The following LMOD3 variants were observed in gnomAD, a reference collection of about 807,000 sequenced individuals.
LMOD3 encodes leiomodin-3.
A neutral mutation model predicts 41.8 loss-of-function variants in LMOD3; 31 were observed. The observed-to-expected ratio is 0.74, with a 90% confidence interval of 0.56 to 1.00. The LOEUF is 1.00. Among genes scored for constraint, LMOD3 ranks in the 50% least tolerant of loss-of-function variants. The pLI is 0.00. For synonymous variants in LMOD3, 292 were observed against 241.9 expected, an observed-to-expected ratio of 1.21 and a Z score of -1.92; for missense variants, 755 against 679.5, an observed-to-expected ratio of 1.11 and a Z score of -1.23.
At chr3:69,117,901 C>T (rs983529059) in intron 2 of LMOD3, among the ~76,000 whole-genome samples, 2 of 150,788 alleles carry the variant, frequency 1.3e-5, no homozygotes, top group Non-Finnish European at 2.9e-5. Context: ...GTGCAATCTC[C>T]GCTCACTGCA....
chr3:69,117,675 T>G (rs2092381492), intron 2 of LMOD3, among the ~76,000 whole-genome samples: 1 of 152,154 alleles, frequency 6.6e-6, no homozygotes, highest in African/African-American at 2.4e-5. Context: ...CTCCGTGAAT[T>G]CATGGTGACA....
intron 2 of LMOD3, 109 bp from the exon 3 acceptor site, chr3:69,109,230 G>T: frequency 9.9e-7 from 1 of 1,008,472 alleles, no homozygotes; most frequent in South Asian, 1.4e-5. Context: ...GAATAGGTTT[G>T]AAATTCTGGC....
Position 69,118,721 on chromosome 3 carries a change from C to T in LMOD3, c.1634G>A (p.Ser545Asn). The change falls in exon 2 of 3, where the codon AGC becomes AAC. Residue 545 changes from serine (S) to asparagine (N), a missense_variant. By Grantham distance (46) the Ser-to-Asn change is conservative. Transcript: ENST00000420581. ...RDQLLNDIRH[S>N]SVAYLKPVQL... ...TACAGGTTTAAGATAGGCGACACTG[C>T]TGTGACGAATGTCGTTTAGCAGCTG... 1 of 1,612,896 alleles carries T rather than the reference C, an allele frequency of 6.2e-7. No homozygotes were observed. The highest frequency in any genetic ancestry group is 8.5e-7 in the Non-Finnish European group (1 of 1,179,634).
chr3:69,117,103 G>C (rs570768395), intron 2 of LMOD3, among the ~76,000 whole-genome samples: 2 of 152,340 alleles, frequency 1.3e-5, no homozygotes, highest in South Asian at 4.1e-4. Context: ...GTCCAGAGAA[G>C]AGCAGGTGCA....
chr3:69,108,758 C>A lies in LMOD3; in HGVS notation c.*337G>T. 4.4e-6 allele frequency: 1 copy of A among 225,002 alleles called. No individual in the cohort carries two copies. The highest frequency in any genetic ancestry group is 2.3e-5 in the African/African-American group (1 of 43,764). The allele number at this position is 225,002 out of a possible 1,614,324, so 13.9% of individuals were successfully genotyped here. ...CACTTCTGTTATATTTATTATTTAC[C>A]AGAAGAAAACAATAATAAAGCAAAT... On this transcript the variant is annotated 3_prime_UTR_variant, in exon 3 of 3. Coordinates refer to ENST00000420581, the MANE Select transcript of LMOD3 (RefSeq NM_198271.5).
intron 1 of LMOD3, 80 bp downstream of exon 1, chr3:69,122,013 A>C: frequency 4.2e-6 from 5 of 1,187,900 alleles, no homozygotes; most frequent in Admixed American, 2.5e-5. Context: ...TGGAGTCTTG[A>C]GAAATCACAG....
intron 1 of LMOD3, among the ~76,000 whole-genome samples, 182 bp from the exon 2 acceptor site, chr3:69,120,242 G>T (rs527354298): frequency 3.2e-4 from 49 of 151,458 alleles, no homozygotes; most frequent in Non-Finnish European, 5.7e-4. Context: ...ATTAAAATGA[G>T]TATTAAAAGG....
chr3:69,118,930 G>T lies in LMOD3; in HGVS notation c.1425C>A (p.Ala475=). 6.2e-7 allele frequency: 1 copy of T among 1,612,232 alleles called. No individual in the cohort carries two copies. Among genetic ancestry groups the T allele is most frequent in the Non-Finnish European group, 8.5e-7 (1 of 1,179,602 alleles). ...RSEMMKKPSQ[A]PKYRTDPDSF... Reference sequence around the variant, plus strand: ...AGTCAGGGTCTGTCCTGTACTTCGGGGCCTGCGATGGCTTTTTCATCATTT... The same window carrying T: ...AGTCAGGGTCTGTCCTGTACTTCGGTGCCTGCGATGGCTTTTTCATCATTT... The change falls in exon 2 of 3, where the codon GCC becomes GCA. Residue 475 remains alanine, a synonymous_variant. Transcript: ENST00000420581.
chr3:69,112,837 A>C (rs56280964), intron 2 of LMOD3, among the ~76,000 whole-genome samples: 5,934 of 152,320 alleles, frequency 0.039, 337 homozygotes, highest in East Asian at 0.27. Flanking sequence ...ATCTGTATTT[A>C]GCCCTTTAGG....
intron 2 of LMOD3, among the ~76,000 whole-genome samples, chr3:69,116,344 C>A (rs934102837): frequency 2.6e-5 from 4 of 152,184 alleles, no homozygotes; most frequent in African/African-American, 9.7e-5. Flanking sequence ...CAGGCCAAGC[C>A]AGGCAACTGA....
intron 2 of LMOD3, among the ~76,000 whole-genome samples, chr3:69,117,593 G>A (rs547437955): frequency 1.3e-5 from 2 of 152,018 alleles, no homozygotes; most frequent in Non-Finnish European, 2.9e-5. Flanking sequence ...TAAGTTGCAC[G>A]GAAAATAACT....
intron 2 of LMOD3, among the ~76,000 whole-genome samples, chr3:69,113,868 G>T (rs1013928038): frequency 6.6e-6 from 1 of 152,184 alleles, no homozygotes; most frequent in Non-Finnish European, 1.5e-5. Context: ...TCACACATTT[G>T]TCAGGGAGGG....
chr3:69,110,660 G>A (rs1411806318), intron 2 of LMOD3, among the ~76,000 whole-genome samples: 1 of 147,338 alleles, frequency 6.8e-6, no homozygotes, highest in African/African-American at 2.5e-5. Context: ...CTGGCCAACA[G>A]GGTGAAACCC....
At chr3:69,111,211 C>T (rs2092348554) in intron 2 of LMOD3, among the ~76,000 whole-genome samples, 2 of 152,162 alleles carry the variant, frequency 1.3e-5, no homozygotes, top group Non-Finnish European at 2.9e-5. Context: ...GTTCTCAGCC[C>T]ACGATCTTTG....
chr3:69,115,580 C>T (rs1030233061), intron 2 of LMOD3, among the ~76,000 whole-genome samples: 2 of 152,102 alleles, frequency 1.3e-5, no homozygotes, highest in Non-Finnish European at 2.9e-5. Context: ...ATCATACACA[C>T]ACAGAGAACC....
chr3:69,112,116 A>C (rs2092352592), intron 2 of LMOD3, among the ~76,000 whole-genome samples: 1 of 152,230 alleles, frequency 6.6e-6, no homozygotes, highest in Admixed American at 6.5e-5. Flanking sequence ...TAAAACTTAC[A>C]AACAGAAGAA....
intron 2 of LMOD3, among the ~76,000 whole-genome samples, chr3:69,109,566 C>A (rs1575870502): frequency 1.7e-5 from 2 of 114,588 alleles, no homozygotes; most frequent in Middle Eastern, 0.01. Context: ...CTCAGTCTAT[C>A]TTCCAGGCTG....
At position 69,106,900 on chromosome 3, in the gene LMOD3, G is replaced by T. The variant is rs2092325149; in HGVS notation, c.*2195C>A. The stretch of plus-strand genomic sequence containing the variant: ...TTTTTTTTTTTTTAGTAGAAATGGG[G>T]TTTCACCATGTTGGTCAGGCTGGTC... On this transcript the variant is annotated 3_prime_UTR_variant, in exon 3 of 3. Transcript: ENST00000420581. 1 of 133,622 alleles carries T rather than the reference G, an allele frequency of 7.5e-6. No individual in the cohort carries two copies. 8.3% of individuals were successfully genotyped at this position (133,622 alleles called of 1,614,324 possible). A position where few individuals can be genotyped will look rare whatever the true frequency, so the allele number is the denominator to read the frequency against.
At position 69,122,474 on chromosome 3, in the gene LMOD3, C is replaced by T. The variant is rs2092413615; in HGVS notation, c.-88G>A. The T allele has an allele frequency of 9.7e-7, 1 of 1,033,340 alleles. No homozygotes were observed. 64.0% of individuals were successfully genotyped at this position (1,033,340 alleles called of 1,614,324 possible). A position where few individuals can be genotyped will look rare whatever the true frequency, so the allele number is the denominator to read the frequency against. On this transcript the variant is annotated 5_prime_UTR_variant, in exon 1 of 3. Coordinates refer to ENST00000420581, the MANE Select transcript of LMOD3 (RefSeq NM_198271.5). ...AGGAAAAAAGCCTCAAGAAGGTCCCCCAGTTAACGAGTGTCCCAAGTTAAC... is the reference window on the plus strand; with the variant it reads ...AGGAAAAAAGCCTCAAGAAGGTCCCTCAGTTAACGAGTGTCCCAAGTTAAC...
Sources: allele counts gnomAD v4.1 joint callset (sites outside exome capture counted in the v4.1 genomes callset), GRCh38; gene constraint gnomAD v4.1.1; transcripts MANE v1.5; gene names NCBI Gene and HGNC (gene_info 2026-07-23, HGNC 2026-07-21).